TRAF3: variants seen among roughly 807,000 people sequenced by gnomAD.
The protein encoded by TRAF3 is TNF receptor associated factor 3.
Under a neutral mutation model 62.3 loss-of-function variants are expected in TRAF3, and 13 were observed. The ratio of observed to expected loss-of-function variants is 0.21; its 90% CI spans 0.14 to 0.33. TRAF3 has a LOEUF of 0.33. TRAF3 is among the 10% of genes least tolerant of loss of function. The probability of loss-of-function intolerance (pLI) is 1.00; values close to 1 mark genes in which losing one functional copy is unlikely to be tolerated. For synonymous variants in TRAF3, 269 were observed against 283.4 expected (o/e 0.95, Z 0.51); for missense variants, 440 against 741.8 (o/e 0.59, Z 4.73).
intron 1 of TRAF3, among the ~76,000 whole-genome samples, chr14:102,818,113 C>T (rs371162507): frequency 1.4e-3 from 211 of 152,286 alleles, no homozygotes; most frequent in African/African-American, 4.9e-3. Flanking sequence ...AAGCAACACT[C>T]GCCAGGGACA....
intron 1 of TRAF3, among the ~76,000 whole-genome samples, chr14:102,821,352 A>G (rs1010671991): frequency 2.0e-5 from 3 of 152,204 alleles, no homozygotes; most frequent in African/African-American, 7.2e-5. Context: ...TTTGTAATGT[A>G]TTTTAAGATA....
At chr14:102,779,910 A>C (rs1897203078) in intron 1 of TRAF3, among the ~76,000 whole-genome samples, 1 of 152,258 alleles carries the variant, frequency 6.6e-6, no homozygotes, top group Non-Finnish European at 1.5e-5. Context: ...AAGAACTGTT[A>C]ACTTAGCAGA....
intron 1 of TRAF3, among the ~76,000 whole-genome samples, chr14:102,800,000 T>C (rs994477829): frequency 6.6e-6 from 1 of 152,134 alleles, no homozygotes; most frequent in Admixed American, 6.5e-5. Context: ...TAGACTCCTT[T>C]GATGGAAAGT....
intron 2 of TRAF3, among the ~76,000 whole-genome samples, chr14:102,845,800 G>A (rs1316235904): frequency 6.6e-6 from 1 of 151,794 alleles, no homozygotes; most frequent in Non-Finnish European, 1.5e-5. Context: ...ACAGGTGTGA[G>A]CCACTGCGCC....
intron 8 of TRAF3, among the ~76,000 whole-genome samples, chr14:102,890,683 A>G (rs1486067069): frequency 3.9e-5 from 6 of 152,242 alleles, no homozygotes; most frequent in Non-Finnish European, 1.5e-5. Context: ...ATTTTCTTAA[A>G]TATATGAAGT....
At chr14:102,885,289 A>T (rs1889313362) in intron 6 of TRAF3, among the ~76,000 whole-genome samples, 1 of 152,170 alleles carries the variant, frequency 6.6e-6, no homozygotes, top group African/African-American at 2.4e-5. Context: ...CAGTTCCTTC[A>T]GCAGAACAGC....
chr14:102,877,856 ATC>A (rs1353648586), intron 6 of TRAF3, among the ~76,000 whole-genome samples: 1 of 152,058 alleles, frequency 6.6e-6, no homozygotes, highest in Non-Finnish European at 1.5e-5. Context: ...CTCATAGATA[ATC>A]CGTTCCACAG....
intron 9 of TRAF3, among the ~76,000 whole-genome samples, chr14:102,894,853 C>T (rs929632062): frequency 6.6e-6 from 1 of 152,140 alleles, no homozygotes; most frequent in African/African-American, 2.4e-5. Context: ...GTTTGCACCA[C>T]ACCTGGCTAA....
At chr14:102,891,789 AAGC>A (rs898842778) in intron 9 of TRAF3, among the ~76,000 whole-genome samples, 1 of 152,088 alleles carries the variant, frequency 6.6e-6, no homozygotes, top group African/African-American at 2.4e-5. Context: ...TTTTGCTCGA[AAGC>A]AGCAGAGTTA....
chr14:102,801,569 C>T (rs1898413183), intron 1 of TRAF3, among the ~76,000 whole-genome samples: 1 of 152,064 alleles, frequency 6.6e-6, no homozygotes, highest in African/African-American at 2.4e-5. Context: ...GTGTCTCACT[C>T]TGTCACCCAG....
intron 1 of TRAF3, among the ~76,000 whole-genome samples, chr14:102,794,134 T>A (rs1412454179): frequency 2.0e-5 from 3 of 152,022 alleles, no homozygotes; most frequent in Admixed American, 6.6e-5. Context: ...AGAGTGAGTG[T>A]TCTAGGAGAG....
chr14:102,853,600 C>T (rs796399847), intron 2 of TRAF3, among the ~76,000 whole-genome samples: 6 of 151,984 alleles, frequency 3.9e-5, no homozygotes, highest in African/African-American at 7.2e-5. Flanking sequence ...TTTAGGAGGC[C>T]GAGGCGGGCA....
intron 2 of TRAF3, among the ~76,000 whole-genome samples, chr14:102,839,459 A>G (rs963172687): frequency 1.3e-5 from 2 of 151,974 alleles, no homozygotes; most frequent in Non-Finnish European, 2.9e-5. Flanking sequence ...ACCTCAAGTG[A>G]TCCGCCCATC....
chr14:102,863,120 C>T (rs962980146), intron 2 of TRAF3, among the ~76,000 whole-genome samples: 2 of 152,156 alleles, frequency 1.3e-5, no homozygotes, highest in African/African-American at 4.8e-5. Context: ...TCCTCTTAAA[C>T]AATTTCTGTT....
intron 2 of TRAF3, among the ~76,000 whole-genome samples, chr14:102,856,324 T>G (rs1205783017): frequency 6.6e-6 from 1 of 152,026 alleles, no homozygotes; most frequent in African/African-American, 2.4e-5. Context: ...TATTCATGAG[T>G]TTTATGGGAA....
At chr14:102,883,877 T>C (rs142378897) in intron 6 of TRAF3, among the ~76,000 whole-genome samples, 1 of 152,208 alleles carries the variant, frequency 6.6e-6, no homozygotes, top group African/African-American at 2.4e-5. Flanking sequence ...CGGCCTGTGC[T>C]TTTCAACTCA....
At chr14:102,838,924 A>G (rs1011590395) in intron 2 of TRAF3, among the ~76,000 whole-genome samples, 1 of 152,174 alleles carries the variant, frequency 6.6e-6, no homozygotes, top group Non-Finnish European at 1.5e-5. Flanking sequence ...TAAATTTAAT[A>G]CCATAACATT....
At chr14:102,864,252 C>T (rs1887850136) in intron 2 of TRAF3, among the ~76,000 whole-genome samples, 1 of 151,442 alleles carries the variant, frequency 6.6e-6, no homozygotes, top group Non-Finnish European at 1.5e-5. Context: ...AGGTTCACGC[C>T]ATTCTCCTGC....
intron 1 of TRAF3, among the ~76,000 whole-genome samples, chr14:102,794,173 CTT>C (rs1211289329): frequency 7.3e-6 from 1 of 136,956 alleles, no homozygotes; most frequent in Non-Finnish European, 1.7e-5. Context: ...CTCTCTCTCT[CTT>C]TCTTCTTTTT....
Sources: gnomAD v4.1 joint callset for allele counts (sites outside exome capture counted in the v4.1 genomes callset) on GRCh38, gnomAD v4.1.1 for gene constraint, MANE v1.5 for transcripts, NCBI Gene and HGNC (gene_info 2026-07-23, HGNC 2026-07-21) for gene names.